ZNF334: variants seen among roughly 807,000 people sequenced by gnomAD.
ZNF334 encodes the protein zinc finger protein 334.
Under a neutral mutation model 12.4 loss-of-function variants are expected in ZNF334, and 14 were observed. The observed-to-expected ratio is 1.13, with a 90% CI of 0.74 to 1.76. The LOEUF is 1.76. Ranked by LOEUF, ZNF334 falls within the 40% of genes most tolerant of loss-of-function variation. The pLI is 0.00. For missense variants in ZNF334, 797 were observed against 804.5 expected (o/e 0.99, Z 0.11); for synonymous variants, 273 against 269.6 (o/e 1.01, Z -0.12).
chr20:46,472,600 T>A, the ZNF334 span, among the ~76,000 whole-genome samples: 1 of 152,132 alleles, frequency 6.6e-6, no homozygotes, highest in Non-Finnish European at 1.5e-5. Context: ...CCTAAATAGC[T>A]CCTTGTGTTC....
chr20:46,468,705 T>C, the ZNF334 span, among the ~76,000 whole-genome samples: 2 of 152,206 alleles, frequency 1.3e-5, no homozygotes, highest in Non-Finnish European at 2.9e-5. Context: ...ACTTCCAGTG[T>C]TGCCATGGCA....
At chr20:46,476,615 T>C in the ZNF334 span, among the ~76,000 whole-genome samples, 1 of 152,362 alleles carries the variant, frequency 6.6e-6, no homozygotes, top group Non-Finnish European at 1.5e-5. Context: ...TTAGATTTAA[T>C]GTCTTTCTTT....
chr20:46,482,808 G>A, the ZNF334 span, among the ~76,000 whole-genome samples: 7 of 152,076 alleles, frequency 4.6e-5, no homozygotes, highest in Admixed American at 1.3e-4. Context: ...GTAGCAGCAC[G>A]CATAGATGGC....
At chr20:46,499,309 A>G (rs903038348), downstream of ZNF334, among the ~76,000 whole-genome samples, 23 of 151,914 alleles carry the variant, frequency 1.5e-4, no homozygotes, top group Admixed American at 7.9e-4. Context: ...CAACACCCCA[A>G]CCTGACTTCT....
intron 2 of ZNF334, chr20:46,506,291 A>T: frequency 1.7e-6 from 1 of 602,412 alleles, no homozygotes; most frequent in Non-Finnish European, 3.0e-6. Context: ...ATTAAAGAAT[A>T]TCTATAATAT....
chr20:46,496,270 T>C (rs1267368130), downstream of ZNF334, among the ~76,000 whole-genome samples: 2 of 152,208 alleles, frequency 1.3e-5, no homozygotes, highest in Non-Finnish European at 2.9e-5. Context: ...TGTAACAGTG[T>C]CAGCTTTGTT....
the ZNF334 span, among the ~76,000 whole-genome samples, chr20:46,487,617 A>G: frequency 6.6e-6 from 1 of 152,244 alleles, no homozygotes; most frequent in Non-Finnish European, 1.5e-5. Flanking sequence ...AAAAACACCT[A>G]GAATTATGCT....
At position 46,504,597 on chromosome 20, in the gene ZNF334, A is replaced by G; in HGVS notation, c.148+17T>C. 9 of 1,577,814 alleles carry G rather than the reference A, an allele frequency of 5.7e-6. No homozygotes were observed. Among genetic ancestry groups the G allele is most frequent in the Non-Finnish European group, 7.7e-6 (9 of 1,167,900 alleles). Reference sequence around the variant, plus strand: ...AAATGTATGCTCTTGGGAGTTGTACAGGGAAATAGTCCTTACCCACAGAGA... The same window carrying G: ...AAATGTATGCTCTTGGGAGTTGTACGGGGAAATAGTCCTTACCCACAGAGA... On this transcript the variant is annotated intron_variant, in intron 3 of 4. Coordinates refer to ENST00000692313, the MANE Select transcript of ZNF334 (RefSeq NM_001353824.2).
rs1445156694 is a variant in ZNF334, at chr20:46,501,481, T to G, written c.1858A>C (p.Arg620=). The change falls in exon 5 of 5, where the codon AGA becomes CGA. Residue 620 remains arginine (R), a synonymous_variant. Transcript: ENST00000692313. Reference sequence around the variant, plus strand: ...TATGGTTTCTCTCCTGTGTGAATTCTTCTATGGACTCTGAAGGCTGACTTA... The same window carrying G: ...TATGGTTTCTCTCCTGTGTGAATTCGTCTATGGACTCTGAAGGCTGACTTA... ...CHKSAFRVHR[R]IHTGEKPYEC... The G allele has an allele frequency of 3.1e-6, 5 of 1,614,044 alleles. No homozygotes were observed. The highest frequency in any genetic ancestry group is 1.3e-5 in the African/African-American group (1 of 74,940).
At chr20:46,479,413 G>A in the ZNF334 span, among the ~76,000 whole-genome samples, 6 of 152,160 alleles carry the variant, frequency 3.9e-5, no homozygotes, top group Non-Finnish European at 7.4e-5. Context: ...ATCATCATGG[G>A]AAGGGAGGTT....
the ZNF334 span, among the ~76,000 whole-genome samples, chr20:46,473,809 T>C: frequency 6.6e-6 from 1 of 152,278 alleles, no homozygotes; most frequent in South Asian, 2.1e-4. Context: ...CATGAGTAAA[T>C]ATTTACTTTA....
chr20:46,481,671 T>C, the ZNF334 span, among the ~76,000 whole-genome samples: 1 of 152,198 alleles, frequency 6.6e-6, no homozygotes, highest in South Asian at 2.1e-4. Flanking sequence ...GTGGATGGGA[T>C]GAAGGTGGAG....
At chr20:46,463,989 C>A in the ZNF334 span, 1 of 623,758 alleles carries the variant, frequency 1.6e-6, no homozygotes. Flanking sequence ...CTGCCAAAAG[C>A]ATAAGCAACA....
Position 46,504,324 on chromosome 20 carries a change from C to A in ZNF334, c.149-18G>T. 6.2e-7 allele frequency: 1 copy of A among 1,605,274 alleles called. No homozygotes were observed. The highest frequency in any genetic ancestry group is 8.5e-7 in the Non-Finnish European group (1 of 1,172,698). On this transcript the variant is annotated intron_variant, in intron 3 of 4. Coordinates refer to ENST00000692313, the MANE Select transcript of ZNF334 (RefSeq NM_001353824.2). ...ATGATACCCTGTTAATGGGAAATTA[C>A]AGAACTTGGACCAAGATCTTTGGAC...
intron 2 of ZNF334, chr20:46,506,313 TGTAAGAAAGGAGATGTAA>T (rs2061429249): frequency 1.5e-6 from 1 of 652,906 alleles, no homozygotes. Context: ...TTACCTTTTA[TGTAAGAAAGGAGATGTAA>T]GAAAACACAC....
chr20:46,482,087 C>A, the ZNF334 span, among the ~76,000 whole-genome samples: 2 of 152,138 alleles, frequency 1.3e-5, 1 homozygote, highest in East Asian at 3.8e-4. Flanking sequence ...CCAAGGAATG[C>A]AGGTGGTTTC....
chr20:46,504,464 G>T, intron 3 of ZNF334, 150 bp downstream of exon 3: 2 of 1,162,640 alleles, frequency 1.7e-6, no homozygotes, highest in South Asian at 1.5e-5. Flanking sequence ...GAAGGGCAGT[G>T]AATACATACA....
the ZNF334 span, among the ~76,000 whole-genome samples, chr20:46,486,120 G>C: frequency 1.3e-5 from 2 of 152,188 alleles, no homozygotes; most frequent in African/African-American, 4.8e-5. Context: ...TGGGAGGGTT[G>C]GAAATTGGAT....
intron 2 of ZNF334, among the ~76,000 whole-genome samples, chr20:46,510,018 G>A (rs1184788574): frequency 2.0e-5 from 3 of 152,090 alleles, no homozygotes; most frequent in Non-Finnish European, 4.4e-5. Flanking sequence ...CTAGCATAGC[G>A]TATCACACAC....
Sources: allele counts gnomAD v4.1 joint callset (sites outside exome capture counted in the v4.1 genomes callset), GRCh38; gene constraint gnomAD v4.1.1; transcripts MANE v1.5; gene names NCBI Gene and HGNC (gene_info 2026-07-23, HGNC 2026-07-21).